Variants in PIBF1 observed in about 807,000 individuals in gnomAD.
PIBF1 encodes the protein progesterone-induced-blocking factor 1.
PIBF1 carries 90 observed loss-of-function variants against 112.5 expected under a neutral mutation model. The ratio of observed to expected loss-of-function variants is 0.80; its 90% confidence interval spans 0.67 to 0.95. PIBF1 has a LOEUF of 0.95. Among genes scored for constraint, PIBF1 ranks in the 40% least tolerant of loss-of-function variants. The probability of loss-of-function intolerance (pLI) is 0.00; values close to 1 mark genes in which losing one functional copy is unlikely to be tolerated. For missense variants in PIBF1, 915 were observed against 852.3 expected (o/e 1.07, Z -0.92); for synonymous variants, 301 against 288.6 (o/e 1.04, Z -0.44).
intron 16 of PIBF1, among the ~76,000 whole-genome samples, chr13:72,984,952 G>T (rs1332682511): frequency 1.3e-5 from 2 of 151,736 alleles, no homozygotes; most frequent in Admixed American, 1.3e-4. Flanking sequence ...CAATTTTTAG[G>T]TTTCTTTTTT....
intron 5 of PIBF1, among the ~76,000 whole-genome samples, chr13:72,803,259 TTGTTTTTTG>T (rs1265010593): frequency 3.0e-5 from 4 of 131,688 alleles, no homozygotes; most frequent in African/African-American, 1.1e-4. Flanking sequence ...GTTTTGTTTT[TTGTTTTTTG>T]TTTTTTTCCT....
At chr13:72,982,471 C>T (rs904285284) in intron 16 of PIBF1, among the ~76,000 whole-genome samples, 1 of 151,968 alleles carries the variant, frequency 6.6e-6, no homozygotes, top group Non-Finnish European at 1.5e-5. Context: ...AAAATATTAT[C>T]TATCCTTTGA....
At chr13:72,877,516 T>C (rs936204371) in intron 10 of PIBF1, among the ~76,000 whole-genome samples, 1 of 152,184 alleles carries the variant, frequency 6.6e-6, no homozygotes, top group African/African-American at 2.4e-5. Context: ...GGGCCTGTCC[T>C]TCTGCTTTGG....
At chr13:72,847,205 G>A (rs1034979289) in intron 9 of PIBF1, among the ~76,000 whole-genome samples, 48 of 151,972 alleles carry the variant, frequency 3.2e-4, no homozygotes, top group Middle Eastern at 3.2e-3. Context: ...CCATAATTTG[G>A]GTTCAATGTT....
At chr13:72,979,958 C>A (rs1297594236) in intron 16 of PIBF1, among the ~76,000 whole-genome samples, 3 of 152,030 alleles carry the variant, frequency 2.0e-5, no homozygotes, top group Non-Finnish European at 2.9e-5. Context: ...GAAGCATAAT[C>A]ACGGTCCTTG....
At chr13:72,835,797 T>A (rs1005065349) in intron 9 of PIBF1, among the ~76,000 whole-genome samples, 1 of 152,140 alleles carries the variant, frequency 6.6e-6, no homozygotes, top group Non-Finnish European at 1.5e-5. Flanking sequence ...TATTAGGTAA[T>A]CCTGAAGAAA....
At chr13:72,960,752 A>G (rs944975337) in intron 14 of PIBF1, among the ~76,000 whole-genome samples, 2 of 152,200 alleles carry the variant, frequency 1.3e-5, no homozygotes, top group African/African-American at 4.8e-5. Context: ...GTTTGATTTA[A>G]TTGACTAGAC....
At chr13:72,957,478 A>AT (rs2042478456) in intron 14 of PIBF1, among the ~76,000 whole-genome samples, 1 of 152,200 alleles carries the variant, frequency 6.6e-6, no homozygotes, top group South Asian at 2.1e-4. Flanking sequence ...ATGCAAAGGC[A>AT]TAAGAATGAT....
intron 11 of PIBF1, among the ~76,000 whole-genome samples, chr13:72,903,691 T>A (rs961124507): frequency 6.6e-6 from 1 of 152,178 alleles, no homozygotes; most frequent in Non-Finnish European, 1.5e-5. Context: ...AGCATACACA[T>A]CCTTACTATT....
intron 15 of PIBF1, among the ~76,000 whole-genome samples, chr13:72,971,183 TGA>T (rs1180887041): frequency 5.4e-5 from 5 of 93,356 alleles, no homozygotes; most frequent in South Asian, 4.1e-4. Flanking sequence ...AAACAGAGAG[TGA>T]GTGTGTGTGT....
At chr13:72,935,944 A>AT (rs1422874384) in intron 14 of PIBF1, among the ~76,000 whole-genome samples, 1 of 151,946 alleles carries the variant, frequency 6.6e-6, no homozygotes, top group East Asian at 1.9e-4. Flanking sequence ...CATTTATCAG[A>AT]TATATGATTT....
At chr13:72,899,364 A>G (rs2040400665) in intron 11 of PIBF1, among the ~76,000 whole-genome samples, 1 of 152,202 alleles carries the variant, frequency 6.6e-6, no homozygotes, top group African/African-American at 2.4e-5. Flanking sequence ...CATAAATGCT[A>G]AAATCCTTAA....
intron 14 of PIBF1, among the ~76,000 whole-genome samples, chr13:72,941,711 C>T (rs577929489): frequency 6.6e-6 from 1 of 152,114 alleles, no homozygotes; most frequent in African/African-American, 2.4e-5. Context: ...TTGAAAGAGG[C>T]GTCAAGGTGC....
intron 14 of PIBF1, among the ~76,000 whole-genome samples, chr13:72,940,048 G>C (rs535387149): frequency 7.2e-5 from 11 of 152,072 alleles, no homozygotes. Context: ...CTTGGGTTTT[G>C]TTGAACATCT....
chr13:72,976,682 T>G (rs986149225), intron 16 of PIBF1, among the ~76,000 whole-genome samples: 1 of 152,192 alleles, frequency 6.6e-6, no homozygotes, highest in East Asian at 1.9e-4. Flanking sequence ...TATATACACA[T>G]GCAAAGGCCT....
intron 9 of PIBF1, among the ~76,000 whole-genome samples, chr13:72,844,752 C>CGGATGAAGTCTT (rs2037767718): frequency 1.1e-5 from 1 of 93,996 alleles, no homozygotes; most frequent in African/African-American, 4.3e-5. Context: ...CACACACACA[C>CGGATGAAGTCTT]ACACACACAC....
chr13:72,921,716 A>G (rs1322759860), intron 13 of PIBF1, among the ~76,000 whole-genome samples: 1 of 152,184 alleles, frequency 6.6e-6, no homozygotes, highest in African/African-American at 2.4e-5. Context: ...TGCCTATTGC[A>G]ACCCAGGCAA....
intron 10 of PIBF1, among the ~76,000 whole-genome samples, chr13:72,872,002 G>C (rs918060903): frequency 6.6e-6 from 1 of 152,070 alleles, no homozygotes; most frequent in Non-Finnish European, 1.5e-5. Flanking sequence ...TATAAGTTAC[G>C]TTTAAGAGTA....
intron 15 of PIBF1, among the ~76,000 whole-genome samples, chr13:72,966,796 C>T (rs991843319): frequency 1.3e-5 from 2 of 152,028 alleles, no homozygotes; most frequent in Admixed American, 6.6e-5. Flanking sequence ...GTAGTCCCAG[C>T]CACTCTGGAG....
Sources: allele counts gnomAD v4.1 joint callset (sites outside exome capture counted in the v4.1 genomes callset), GRCh38; gene constraint gnomAD v4.1.1; transcripts MANE v1.5; gene names NCBI Gene and HGNC (gene_info 2026-07-23, HGNC 2026-07-21).